Variants in AKAP6 observed in about 807,000 individuals in gnomAD.
AKAP6 encodes A-kinase anchor protein 6.
AKAP6 carries 58 observed loss-of-function variants against 188.5 expected under a neutral mutation model. That is an observed-to-expected ratio of 0.31 (90% CI 0.25 to 0.38). The LOEUF is 0.38. Among genes scored for constraint, AKAP6 ranks in the 10% least tolerant of loss-of-function variants. The pLI, the probability that AKAP6 is intolerant of heterozygous loss-of-function variation, is 1.00. For synonymous variants in AKAP6, 989 were observed against 998.6 expected, an observed-to-expected ratio of 0.99 and a Z score of 0.18; for missense variants, 2,710 against 2,740.0, an observed-to-expected ratio of 0.99 and a Z score of 0.24.
intron 4 of AKAP6, among the ~76,000 whole-genome samples, chr14:32,566,730 A>G (rs1476446836): frequency 6.6e-6 from 1 of 152,214 alleles, no homozygotes; most frequent in Admixed American, 6.5e-5. Context: ...TGCTAAGCCA[A>G]TAGTACTTTG....
intron 1 of AKAP6, among the ~76,000 whole-genome samples, chr14:32,343,239 C>G (rs977240229): frequency 1.3e-5 from 2 of 152,104 alleles, no homozygotes; most frequent in Admixed American, 6.5e-5. Context: ...GTATACCTTC[C>G]TTGTCAAGAC....
intron 4 of AKAP6, among the ~76,000 whole-genome samples, chr14:32,573,315 T>C (rs1207248041): frequency 6.6e-6 from 1 of 152,182 alleles, no homozygotes; most frequent in Non-Finnish European, 1.5e-5. Flanking sequence ...CATTGGGTTA[T>C]ATCATGAAGA....
chr14:32,381,134 C>T (rs962868446), intron 1 of AKAP6, among the ~76,000 whole-genome samples: 5 of 151,978 alleles, frequency 3.3e-5, no homozygotes, highest in Admixed American at 1.3e-4. Context: ...GCCAAGAGTT[C>T]GAGACCAGCC....
chr14:32,460,536 G>C (rs908542903), intron 2 of AKAP6, among the ~76,000 whole-genome samples: 1 of 152,204 alleles, frequency 6.6e-6, no homozygotes, highest in African/African-American at 2.4e-5. Context: ...TGTGCTACCT[G>C]TCCAGTTACT....
chr14:32,515,182 G>A (rs1881456227), intron 2 of AKAP6, among the ~76,000 whole-genome samples: 1 of 152,202 alleles, frequency 6.6e-6, no homozygotes, highest in Non-Finnish European at 1.5e-5. Context: ...CGGCAGGCAA[G>A]AGAGCTTGTG....
chr14:32,531,476 T>C (rs1882411865), intron 2 of AKAP6, among the ~76,000 whole-genome samples: 1 of 152,226 alleles, frequency 6.6e-6, no homozygotes, highest in Non-Finnish European at 1.5e-5. Context: ...ACTGAGACTA[T>C]AAACTGCTTT....
intron 11 of AKAP6, among the ~76,000 whole-genome samples, chr14:32,756,110 G>A (rs1376253017): frequency 6.6e-6 from 1 of 152,188 alleles, no homozygotes; most frequent in Non-Finnish European, 1.5e-5. Context: ...GGATTCATAG[G>A]GACTTGCCTT....
intron 1 of AKAP6, among the ~76,000 whole-genome samples, chr14:32,383,223 T>A (rs1888426913): frequency 6.6e-6 from 1 of 152,090 alleles, no homozygotes; most frequent in Non-Finnish European, 1.5e-5. Context: ...AGAAGAATTG[T>A]GTTAAAATAA....
At chr14:32,712,759 T>A (rs912647000) in intron 9 of AKAP6, among the ~76,000 whole-genome samples, 3 of 152,094 alleles carry the variant, frequency 2.0e-5, no homozygotes, top group Admixed American at 2.0e-4. Flanking sequence ...TCTCTTGCTA[T>A]TTCCACCACA....
rs752179583 is a variant in AKAP6 at position 32,822,651 on chromosome 14, A to G, written c.4838A>G (p.His1613Arg). ...YKSNEDLFSC[H>R]SSGDISVSSG... ...AGCAATGAAGATCTCTTTAGCTGTC[A>G]CAGCTCTGGGGATATAAGCGTGAGC... The change falls in exon 13 of 14, where the codon CAC becomes CGC. Residue 1613 changes from histidine to arginine, a missense_variant. Around this residue, in one of 2 missense-constraint regions of AKAP6, gnomAD observed 2,473 missense variants for 2,426.1 expected, o/e 1.02. Transcript: ENST00000280979. 1.2e-6 allele frequency: 2 copies of G among 1,613,946 alleles called. No individual in the cohort carries two copies. The highest frequency in any genetic ancestry group is 2.7e-5 in the African/African-American group (2 of 74,922).
At chr14:32,681,532 T>C (rs756196291) in intron 8 of AKAP6, among the ~76,000 whole-genome samples, 1 of 152,172 alleles carries the variant, frequency 6.6e-6, no homozygotes, top group Non-Finnish European at 1.5e-5. Context: ...TTCCATACTG[T>C]ATGAAATTTG....
Position 32,607,372 on chromosome 14 carries a change from T to C in AKAP6, c.2730+6580T>C, listed in dbSNP as rs571965974. ...ATGCACATATTTGTAAGGAACTGCT[T>C]GAGACACTTTGCTGTCTTCCTCATG... is the stretch of plus-strand genomic sequence containing the variant. On this transcript the variant is annotated intron_variant, in intron 7 of 13. Coordinates refer to ENST00000280979, the MANE Select transcript of AKAP6 (RefSeq NM_004274.5). Among the ~76,000 whole-genome samples, 4 of 152,308 alleles carry C rather than the reference T, an allele frequency of 2.6e-5. No individual in the cohort carries two copies. In the East Asian group the frequency reaches 7.7e-4, roughly 29 times the overall value.
chr14:32,565,232 A>G (rs1884134239), intron 4 of AKAP6, among the ~76,000 whole-genome samples: 1 of 152,242 alleles, frequency 6.6e-6, no homozygotes, highest in Admixed American at 6.5e-5. Flanking sequence ...CAACTGATTA[A>G]GTTGAGAAAC....
At chr14:32,345,649 C>T (rs1220923703) in intron 1 of AKAP6, among the ~76,000 whole-genome samples, 2 of 152,154 alleles carry the variant, frequency 1.3e-5, no homozygotes, top group Non-Finnish European at 2.9e-5. Flanking sequence ...CTCTGATCAC[C>T]AGAGGGTGGA....
chr14:32,683,785 T>G (rs1218938515), intron 8 of AKAP6, among the ~76,000 whole-genome samples: 1 of 152,202 alleles, frequency 6.6e-6, no homozygotes, highest in Non-Finnish European at 1.5e-5. Context: ...GCAACAATTA[T>G]CTGCTAACTG....
chr14:32,604,615 G>T lies in AKAP6; in HGVS notation c.2730+3823G>T, dbSNP rs1163383139. Among the ~76,000 whole-genome samples, 3 of 152,068 alleles carry T rather than the reference G, an allele frequency of 2.0e-5. No individual in the cohort carries two copies. In the East Asian group the frequency reaches 5.8e-4, roughly 29 times the overall value. On this transcript the variant is annotated intron_variant, in intron 7 of 13. Transcript: ENST00000280979. ...GCCAGACTGCTTGAGTTCAGTGATT[G>T]GCACTTACTAGCTGTGTGTTCCTGG...
At chr14:32,641,486 A>AAG (rs1283708353) in intron 7 of AKAP6, among the ~76,000 whole-genome samples, 1 of 150,900 alleles carries the variant, frequency 6.6e-6, no homozygotes, top group Non-Finnish European at 1.5e-5. Context: ...AAAAAAAAAA[A>AAG]AAGAAAAGAA....
intron 4 of AKAP6, among the ~76,000 whole-genome samples, chr14:32,574,345 A>G (rs1002346436): frequency 6.6e-6 from 1 of 152,290 alleles, no homozygotes; most frequent in East Asian, 1.9e-4. Context: ...TTGTTTTGCT[A>G]TCTGGCTGGG....
intron 2 of AKAP6, among the ~76,000 whole-genome samples, chr14:32,534,199 A>G (rs571129845): frequency 1.3e-5 from 2 of 152,338 alleles, no homozygotes; most frequent in Non-Finnish European, 2.9e-5. Context: ...TTTCCAGCAT[A>G]GAATGACCGT....
Sources: allele counts gnomAD v4.1 joint callset (sites outside exome capture counted in the v4.1 genomes callset), GRCh38; gene constraint gnomAD v4.1.1; regional missense constraint gnomAD v4.1.1; transcripts MANE v1.5; gene names NCBI Gene and HGNC (gene_info 2026-07-23, HGNC 2026-07-21).